NTM: variants seen among roughly 807,000 people sequenced by gnomAD.
NTM encodes neurotrimin.
A neutral mutation model predicts 42.1 loss-of-function variants in NTM; 13 were observed. The observed-to-expected ratio is 0.31, with a 90% confidence interval of 0.20 to 0.49. The LOEUF (loss-of-function observed/expected upper bound fraction) is 0.49, where lower values mean the gene tolerates loss of function less well. NTM is among the 20% of genes least tolerant of loss of function. NTM has a pLI of 0.99. For missense variants in NTM, 373 were observed against 452.8 expected (o/e 0.82, Z 1.60); for synonymous variants, 187 against 179.2 (o/e 1.04, Z -0.35).
At chr11:132,100,535 A>G (rs1331506441) in intron 2 of NTM, among the ~76,000 whole-genome samples, 1 of 152,208 alleles carries the variant, frequency 6.6e-6, no homozygotes, top group Admixed American at 6.5e-5. Context: ...GGTGGCAGGA[A>G]GCAGGCCATC....
intron 2 of NTM, among the ~76,000 whole-genome samples, chr11:132,143,588 G>T (rs1408733267): frequency 2.0e-5 from 3 of 152,204 alleles, no homozygotes; most frequent in Non-Finnish European, 4.4e-5. Flanking sequence ...AAGTTTGTGA[G>T]ATGATAAAAT....
At chr11:131,999,783 T>C (rs2068810075) in intron 2 of NTM, among the ~76,000 whole-genome samples, 1 of 152,208 alleles carries the variant, frequency 6.6e-6, no homozygotes, top group Non-Finnish European at 1.5e-5. Context: ...TATATAATTA[T>C]TATATCAACT....
At chr11:132,021,501 C>G (rs902921392) in intron 2 of NTM, among the ~76,000 whole-genome samples, 4 of 152,114 alleles carry the variant, frequency 2.6e-5, no homozygotes, top group African/African-American at 9.6e-5. Flanking sequence ...ATATTCCTAG[C>G]CTCACTTTTC....
At chr11:131,388,625 G>A (rs762608498) in intron 1 of NTM, among the ~76,000 whole-genome samples, 12 of 151,896 alleles carry the variant, frequency 7.9e-5, no homozygotes, top group African/African-American at 2.7e-4. Flanking sequence ...GAGTTGGCAG[G>A]GAAGAAAAAG....
At chr11:131,730,942 T>A (rs978538242) in intron 1 of NTM, among the ~76,000 whole-genome samples, 1 of 152,218 alleles carries the variant, frequency 6.6e-6, no homozygotes, top group East Asian at 1.9e-4. Flanking sequence ...CAAGTTTCAC[T>A]ATAAAAAAAG....
chr11:131,779,800 C>G (rs2087721859), intron 1 of NTM, among the ~76,000 whole-genome samples: 1 of 152,146 alleles, frequency 6.6e-6, no homozygotes, highest in African/African-American at 2.4e-5. Flanking sequence ...AGTAATCACA[C>G]AGAGATGTTT....
chr11:131,971,923 G>A (rs2063591146), intron 2 of NTM, among the ~76,000 whole-genome samples: 1 of 151,554 alleles, frequency 6.6e-6, no homozygotes, highest in African/African-American at 2.4e-5. Flanking sequence ...GTGGGCGCCT[G>A]TAGTCCCAGC....
rs530070814 is a variant in NTM at position 132,142,719 on chromosome 11, AC to A, written c.168-3561del. Among the ~76,000 whole-genome samples the A allele has an allele frequency of 1.9e-4, 29 of 152,222 alleles. No homozygotes were observed. The East Asian group carries it at 5.2e-3, about 27-fold the overall frequency. On this transcript the variant is annotated intron_variant, in intron 2 of 8. Coordinates refer to ENST00000683400, the MANE Select transcript of NTM (RefSeq NM_001352005.2). Reference sequence around the variant, plus strand: ...AAACATGACCTTGGATGTGTTCAGAACCGCAGCTGGAACTGTGCCAACTCCT... The same window carrying A: ...AAACATGACCTTGGATGTGTTCAGAACGCAGCTGGAACTGTGCCAACTCCT...
chr11:132,086,022 G>T (rs1009992083), intron 2 of NTM, among the ~76,000 whole-genome samples: 2 of 152,130 alleles, frequency 1.3e-5, no homozygotes, highest in African/African-American at 4.8e-5. Flanking sequence ...TTTCATACAT[G>T]CATTAAGAGT....
intron 3 of NTM, among the ~76,000 whole-genome samples, chr11:132,203,123 C>A (rs1056860617): frequency 6.6e-6 from 1 of 152,178 alleles, no homozygotes. Flanking sequence ...TTGCACAGCG[C>A]ACCCTGGCCT....
At chr11:132,094,562 A>G (rs1329802420) in intron 2 of NTM, among the ~76,000 whole-genome samples, 1 of 152,210 alleles carries the variant, frequency 6.6e-6, no homozygotes, top group Non-Finnish European at 1.5e-5. Flanking sequence ...ATGGATTTGA[A>G]GGATGAGATG....
chr11:131,987,048 C>T (rs374792971), intron 2 of NTM, among the ~76,000 whole-genome samples: 2 of 152,222 alleles, frequency 1.3e-5, no homozygotes, highest in African/African-American at 2.4e-5. Flanking sequence ...GCAAATTTTG[C>T]TTACATTATT....
chr11:132,226,656 C>T (rs945444321), intron 4 of NTM, among the ~76,000 whole-genome samples: 13 of 152,022 alleles, frequency 8.6e-5, no homozygotes, highest in Admixed American at 2.0e-4. Flanking sequence ...GGGGAGGGGG[C>T]GTAAAGATAG....
chr11:131,647,142 C>A (rs1448573818), intron 1 of NTM, among the ~76,000 whole-genome samples: 1 of 152,312 alleles, frequency 6.6e-6, no homozygotes, highest in Middle Eastern at 3.4e-3. Context: ...TATCCCCCAC[C>A]AACTTTCCTT....
At chr11:131,934,008 G>C (rs564002098) in intron 2 of NTM, among the ~76,000 whole-genome samples, 11 of 152,126 alleles carry the variant, frequency 7.2e-5, no homozygotes, top group Non-Finnish European at 1.0e-4. Flanking sequence ...TTTATGACCA[G>C]CGTGTGGCTG....
chr11:131,978,023 C>A (rs1281664558), intron 2 of NTM, among the ~76,000 whole-genome samples: 1 of 152,172 alleles, frequency 6.6e-6, no homozygotes, highest in African/African-American at 2.4e-5. Context: ...TGCAAAAATT[C>A]TTCATGGTCA....
At chr11:131,959,962 G>A (rs1186311126) in intron 2 of NTM, among the ~76,000 whole-genome samples, 2 of 152,210 alleles carry the variant, frequency 1.3e-5, no homozygotes, top group Admixed American at 6.5e-5. Flanking sequence ...ACAACAGCAT[G>A]TACTAGAGAT....
intron 1 of NTM, among the ~76,000 whole-genome samples, chr11:131,389,470 C>T (rs555562686): frequency 6.6e-5 from 10 of 152,306 alleles, no homozygotes; most frequent in South Asian, 2.1e-4. Context: ...TGCCGTGAGC[C>T]GCCCTACTTC....
chr11:131,879,043 C>T (rs370115607), intron 1 of NTM, among the ~76,000 whole-genome samples: 1 of 152,282 alleles, frequency 6.6e-6, no homozygotes, highest in South Asian at 2.1e-4. Flanking sequence ...CTGACAATGG[C>T]TCTTTTTCCT....
Sources: allele counts gnomAD v4.1 joint callset (sites outside exome capture counted in the v4.1 genomes callset), GRCh38; gene constraint gnomAD v4.1.1; transcripts MANE v1.5; gene names NCBI Gene and HGNC (gene_info 2026-07-23, HGNC 2026-07-21).